RUFY4: variants seen among roughly 807,000 people sequenced by gnomAD.
RUFY4 encodes the protein RUN and FYVE domain-containing protein 4.
Under a neutral mutation model 69.0 loss-of-function variants are expected in RUFY4, and 73 were observed. The ratio of observed to expected loss-of-function variants is 1.06; its 90% confidence interval spans 0.88 to 1.29. The LOEUF (loss-of-function observed/expected upper bound fraction) is 1.29, where lower values mean the gene tolerates loss of function less well. Among genes scored for constraint, RUFY4 ranks in the 50% most tolerant of loss-of-function variants. The pLI is 0.00. For synonymous variants in RUFY4, 287 were observed against 271.8 expected (o/e 1.06, Z -0.55); for missense variants, 770 against 705.6 (o/e 1.09, Z -1.03).
chr2:218,082,780 G>A (rs1333707865), intron 8 of RUFY4, among the ~76,000 whole-genome samples: 1 of 151,850 alleles, frequency 6.6e-6, no homozygotes, highest in African/African-American at 2.4e-5. Flanking sequence ...GTATTGTGTT[G>A]TGTGTGCGTT....
chr2:218,073,763 C>G (rs1689552656), intron 5 of RUFY4, 53 bp from the exon 8 acceptor site: 15 of 1,601,076 alleles, frequency 9.4e-6, no homozygotes, highest in Non-Finnish European at 1.3e-5. Context: ...ATCTGAGGAC[C>G]AAGCCCAACA....
At chr2:218,045,123 T>G (rs978089609) in intron 2 of RUFY4, among the ~76,000 whole-genome samples, 7 of 152,228 alleles carry the variant, frequency 4.6e-5, no homozygotes, top group Non-Finnish European at 1.5e-5. Context: ...TTTTGACTTT[T>G]TAATAGTAGC....
chr2:218,087,910 G>A (rs1241181163), intron 9 of RUFY4, among the ~76,000 whole-genome samples: 1 of 152,152 alleles, frequency 6.6e-6, no homozygotes, highest in African/African-American at 2.4e-5. Context: ...GTGAGTTAGT[G>A]AGGATGGTAA....
intron 2 of RUFY4, among the ~76,000 whole-genome samples, chr2:218,051,796 T>C (rs1039647380): frequency 7.2e-5 from 11 of 152,228 alleles, no homozygotes; most frequent in African/African-American, 2.4e-4. Context: ...TGGTCTTCTA[T>C]GTTTGAAACA....
exon 1 of RUFY4, chr2:218,070,607 T>C (rs942519306): frequency 4.6e-6 from 7 of 1,537,568 alleles, no homozygotes; most frequent in South Asian, 1.2e-5. Context: ...CAAGTACCCA[T>C]GGCAGAAGAG....
chr2:218,083,273 T>C lies in RUFY4; in HGVS notation c.1502+17T>C. 2 of 1,565,334 alleles carry C rather than the reference T, an allele frequency of 1.3e-6. No individual in the cohort carries two copies. The highest frequency in any genetic ancestry group is 1.7e-6 in the Non-Finnish European group (2 of 1,152,140). ...ACTGATCCAGTAAGGACGGGGACAG[T>C]GGGAAAGGGGAAACAGATGGGGGAA... On this transcript the variant is annotated intron_variant, in intron 9 of 10. Coordinates refer to ENST00000344321, the Ensembl canonical transcript of RUFY4.
chr2:218,079,189 C>T (rs1028792101), intron 8 of RUFY4, among the ~76,000 whole-genome samples: 4 of 152,064 alleles, frequency 2.6e-5, no homozygotes, highest in African/African-American at 9.7e-5. Context: ...TTTAAAGGCC[C>T]CTTGGAGCTG....
chr2:218,075,204 AG>A lies in RUFY4; in HGVS notation c.714del (p.Arg238SerfsTer38). On this transcript the variant is annotated frameshift_variant, in exon 7 of 11. Transcript: ENST00000344321. LOFTEE classifies it high-confidence loss of function. ...TGGACAGCAGCTGGCAGGGCTTCCC[AG>A]GTCCCAGCAACAAAGGCATCTTCCT... 1.3e-6 allele frequency: 2 copies of A among 1,559,274 alleles called. No individual in the cohort carries two copies. Among genetic ancestry groups the A allele is most frequent in the Non-Finnish European group, 1.7e-6 (2 of 1,151,328 alleles).
upstream of RUFY4, among the ~76,000 whole-genome samples, chr2:218,064,583 G>C (rs13420116): frequency 0.059 from 8,960 of 152,166 alleles, 438 homozygotes; most frequent in African/African-American, 0.13. Context: ...GGGGATACAG[G>C]AGTGGCCACC....
intron 3 of RUFY4, chr2:218,061,300 A>G (rs1438335448): frequency 2.2e-5 from 7 of 317,540 alleles, no homozygotes; most frequent in South Asian, 5.6e-5. Context: ...TCTGGCCAAC[A>G]TGGGGCAGAA....
At chr2:218,054,581 G>A (rs889794851) in intron 2 of RUFY4, among the ~76,000 whole-genome samples, 2 of 151,054 alleles carry the variant, frequency 1.3e-5, no homozygotes, top group Admixed American at 6.6e-5. Flanking sequence ...AAGATCAGTG[G>A]ACTAAATAAA....
intron 2 of RUFY4, among the ~76,000 whole-genome samples, chr2:218,045,992 G>T: frequency 6.6e-6 from 1 of 152,002 alleles, no homozygotes; most frequent in Non-Finnish European, 1.5e-5. Flanking sequence ...ATTTTTAGTA[G>T]AGACAGGGTT....
At chr2:218,072,785 A>T (rs1689520565) in exon 4 of RUFY4, 4 of 1,524,716 alleles carry the variant, frequency 2.6e-6, no homozygotes, top group East Asian at 2.4e-5. Context: ...GCAGTTGAAG[A>T]CCCCTCTGGG....
At chr2:218,048,537 T>G (rs768113516) in intron 2 of RUFY4, among the ~76,000 whole-genome samples, 1 of 152,218 alleles carries the variant, frequency 6.6e-6, no homozygotes, top group Non-Finnish European at 1.5e-5. Flanking sequence ...TGGTATTTCC[T>G]AGGTTGTTTT....
At chr2:218,083,020 T>C (rs1179837213) in intron 8 of RUFY4, 90 bp from the exon 11 acceptor site, 15 of 1,538,428 alleles carry the variant, frequency 9.8e-6, no homozygotes, top group Non-Finnish European at 1.2e-5. Context: ...GCGTCTCCCA[T>C]GGGCTCCCTC....
At chr2:218,043,984 C>T (rs1192601992) in intron 2 of RUFY4, among the ~76,000 whole-genome samples, 1 of 152,256 alleles carries the variant, frequency 6.6e-6, no homozygotes, top group East Asian at 1.9e-4. Flanking sequence ...GTGCACCCAC[C>T]CAGCAGGGCT....
At chr2:218,077,524 C>T (rs1235352369) in intron 8 of RUFY4, among the ~76,000 whole-genome samples, 1 of 152,214 alleles carries the variant, frequency 6.6e-6, no homozygotes, top group African/African-American at 2.4e-5. Context: ...TTTTTAAAGT[C>T]TCTTCTCACT....
chr2:218,089,829 G>A, intron 10 of RUFY4, 123 bp from the exon 13 acceptor site: 1 of 769,902 alleles, frequency 1.3e-6, no homozygotes, highest in Non-Finnish European at 2.3e-6. Context: ...GCATTCCACT[G>A]GGAGATGAGA....
intron 2 of RUFY4, among the ~76,000 whole-genome samples, chr2:218,044,395 CTTAG>C (rs1269950216): frequency 3.3e-5 from 5 of 152,176 alleles, no homozygotes; most frequent in Non-Finnish European, 7.4e-5. Flanking sequence ...ATCAGTCAAT[CTTAG>C]TTAGCTGTAA....
Sources: allele counts gnomAD v4.1 joint callset (sites outside exome capture counted in the v4.1 genomes callset), GRCh38; gene constraint gnomAD v4.1.1; transcripts MANE v1.5; gene names NCBI Gene and HGNC (gene_info 2026-07-23, HGNC 2026-07-21).